Variants in ANKRD44 observed in about 807,000 individuals in gnomAD.
ANKRD44 encodes the protein serine/threonine-protein phosphatase 6 regulatory ankyrin repeat subunit B.
A neutral mutation model predicts 116.0 loss-of-function variants in ANKRD44; 35 were observed. The observed-to-expected ratio is 0.30, with a 90% CI of 0.23 to 0.40. The LOEUF (loss-of-function observed/expected upper bound fraction) is 0.40. Ranked by LOEUF, ANKRD44 falls within the 10% of genes least tolerant of loss-of-function variation. The pLI is 1.00. For missense variants in ANKRD44, 1,014 were observed against 1,242.6 expected, an observed-to-expected ratio of 0.82 and a Z score of 2.77; for synonymous variants, 435 against 461.8, an observed-to-expected ratio of 0.94 and a Z score of 0.74.
chr2:197,116,707 G>A (rs765631608), intron 8 of ANKRD44, among the ~76,000 whole-genome samples: 2 of 151,996 alleles, frequency 1.3e-5, no homozygotes, highest in Non-Finnish European at 2.9e-5. Flanking sequence ...CTCCTTGGGC[G>A]GTCTCGTCCC....
chr2:197,149,663 T>C (rs1247908067), intron 2 of ANKRD44, among the ~76,000 whole-genome samples: 2 of 152,206 alleles, frequency 1.3e-5, no homozygotes, highest in African/African-American at 4.8e-5. Context: ...ACAAGTGCTA[T>C]TAAGACCTTA....
intron 3 of ANKRD44, among the ~76,000 whole-genome samples, chr2:197,139,624 T>TATATAGATATAG (rs974708012): frequency 2.6e-5 from 4 of 151,858 alleles, no homozygotes; most frequent in East Asian, 1.9e-4. Context: ...TCCTTAAAAA[T>TATATAGATATAG]ATATAGATAT....
intron 16 of ANKRD44, among the ~76,000 whole-genome samples, chr2:197,064,354 A>T (rs906138428): frequency 6.6e-6 from 1 of 152,262 alleles, no homozygotes; most frequent in Admixed American, 6.5e-5. Flanking sequence ...AACATGACAA[A>T]TTGTAAAGAC....
chr2:197,048,649 T>TA (rs779550271), intron 16 of ANKRD44, among the ~76,000 whole-genome samples: 10 of 152,230 alleles, frequency 6.6e-5, no homozygotes, highest in Non-Finnish European at 1.0e-4. Context: ...GCAATAAACA[T>TA]ACACGTGCAT....
chr2:197,262,589 G>A (rs1238632567), intron 1 of ANKRD44, among the ~76,000 whole-genome samples: 1 of 152,200 alleles, frequency 6.6e-6, no homozygotes, highest in Non-Finnish European at 1.5e-5. Context: ...AATGTTTGAA[G>A]AAACTACAGT....
At chr2:197,287,233 C>T (rs1051944336) in intron 1 of ANKRD44, among the ~76,000 whole-genome samples, 7 of 152,046 alleles carry the variant, frequency 4.6e-5, no homozygotes, top group Admixed American at 3.9e-4. Flanking sequence ...TTGCTGTGAA[C>T]ATAAAATTGC....
At chr2:197,161,736 G>A (rs1281625865) in intron 2 of ANKRD44, among the ~76,000 whole-genome samples, 2 of 152,056 alleles carry the variant, frequency 1.3e-5, no homozygotes, top group Non-Finnish European at 2.9e-5. Flanking sequence ...TTCTGAAAGT[G>A]GTCTACATAT....
At chr2:197,186,932 A>G in intron 2 of ANKRD44, 91 bp downstream of exon 2, 2 of 989,670 alleles carry the variant, frequency 2.0e-6, no homozygotes, top group Non-Finnish European at 1.6e-6. Context: ...CTTTCACCAG[A>G]TATCAAGAGT....
intron 8 of ANKRD44, among the ~76,000 whole-genome samples, chr2:197,120,524 G>C (rs551543719): frequency 6.6e-6 from 1 of 152,066 alleles, no homozygotes; most frequent in Non-Finnish European, 1.5e-5. Flanking sequence ...GGTGGTGCAT[G>C]TCTGTAATCC....
At chr2:197,027,275 C>T (rs6732830) in intron 16 of ANKRD44, among the ~76,000 whole-genome samples, 104,151 of 151,972 alleles carry the variant, frequency 0.69, 39,430 homozygotes, top group East Asian at 0.96. Flanking sequence ...GGTGGGAGGA[C>T]GGCTTTAGCC....
intron 1 of ANKRD44, among the ~76,000 whole-genome samples, chr2:197,211,028 C>T (rs919787345): frequency 6.6e-6 from 1 of 152,148 alleles, no homozygotes; most frequent in Admixed American, 6.5e-5. Context: ...GAAAAGGCAG[C>T]GGGCCAGGAG....
chr2:197,033,244 G>T (rs2076741444), intron 16 of ANKRD44, among the ~76,000 whole-genome samples: 1 of 152,138 alleles, frequency 6.6e-6, no homozygotes, highest in Admixed American at 6.5e-5. Context: ...GAGGATTAAA[G>T]AGTAGACAGA....
At chr2:197,247,443 C>A (rs1217542467) in intron 1 of ANKRD44, among the ~76,000 whole-genome samples, 1 of 152,046 alleles carries the variant, frequency 6.6e-6, no homozygotes, top group African/African-American at 2.4e-5. Flanking sequence ...ATTTAGCAAC[C>A]CTGTCATAGG....
intron 16 of ANKRD44, among the ~76,000 whole-genome samples, chr2:197,063,223 C>A (rs1158393102): frequency 6.6e-6 from 1 of 152,206 alleles, no homozygotes; most frequent in Non-Finnish European, 1.5e-5. Flanking sequence ...CAAACTCCAA[C>A]AGACCTGCAG....
intron 16 of ANKRD44, among the ~76,000 whole-genome samples, chr2:197,041,559 T>C (rs962390812): frequency 6.6e-6 from 1 of 152,188 alleles, no homozygotes; most frequent in African/African-American, 2.4e-5. Flanking sequence ...ATTGCCTCTC[T>C]TCTCTCCCCA....
intron 2 of ANKRD44, among the ~76,000 whole-genome samples, chr2:197,183,636 T>C (rs1559131260): frequency 1.3e-5 from 2 of 151,974 alleles, no homozygotes; most frequent in African/African-American, 4.8e-5. Context: ...GGTCAAATGA[T>C]CTTTGTACAC....
rs145395284 is a variant in ANKRD44 at position 197,028,634 on chromosome 2, C to A, written c.1651-3367G>T. Reference sequence around the variant, plus strand: ...CATGAACTTTTCTTTTTCTTCACTGCCTCTTTGATAAGGTCTTTATTAAAA... The same window carrying A: ...CATGAACTTTTCTTTTTCTTCACTGACTCTTTGATAAGGTCTTTATTAAAA... On this transcript the variant is annotated intron_variant, in intron 16 of 27. Coordinates refer to ENST00000282272, the MANE Select transcript of ANKRD44 (RefSeq NM_001195144.2). 9.2e-3 allele frequency: 1,436 copies of A among 155,304 alleles called. 8 individuals carry two copies. The highest frequency in any genetic ancestry group is 0.023 in the Middle Eastern group (7 of 302). The allele number at this position is 155,304 out of a possible 1,614,324, so 9.6% of individuals were successfully genotyped here. A position where few individuals can be genotyped will look rare whatever the true frequency, so the allele number is the denominator to read the frequency against.
rs1246970519 is a variant in ANKRD44 at position 197,125,915 on chromosome 2, G to A, written c.384C>T (p.Pro128=). The A allele has an allele frequency of 6.2e-6, 10 of 1,614,188 alleles. No individual in the cohort carries two copies. Among genetic ancestry groups the A allele is most frequent in the South Asian group, 3.3e-5 (3 of 91,090 alleles). Reference sequence around the variant, plus strand: ...CGGAGACATTGACACTGCTCAGCAGGGGAATGATCACTTCTGCACATTTGA... The same window carrying A: ...CGGAGACATTGACACTGCTCAGCAGAGGAATGATCACTTCTGCACATTTGA... The part of the protein sequence containing the change: ...KAVKCAEVII[P]LLSSVNVSDR... Residue 128 remains proline (P), a synonymous_variant, in exon 5 of 28, where the codon CCC becomes CCT. Coordinates refer to ENST00000282272, the MANE Select transcript of ANKRD44 (RefSeq NM_001195144.2).
intron 1 of ANKRD44, among the ~76,000 whole-genome samples, chr2:197,255,410 CA>C: frequency 6.6e-6 from 1 of 152,320 alleles, no homozygotes; most frequent in South Asian, 2.1e-4. Context: ...CCTTATTCAC[CA>C]AGAGATAAAT....
Sources: gnomAD v4.1 joint callset for allele counts (sites outside exome capture counted in the v4.1 genomes callset) on GRCh38, gnomAD v4.1.1 for gene constraint, MANE v1.5 for transcripts, NCBI Gene and HGNC (gene_info 2026-07-23, HGNC 2026-07-21) for gene names.